CTNNA2: variants seen among roughly 807,000 people sequenced by gnomAD.
The protein encoded by CTNNA2 is catenin alpha-2.
A neutral mutation model predicts 101.0 loss-of-function variants in CTNNA2; 42 were observed. That is an observed-to-expected ratio of 0.42 (90% CI 0.32 to 0.54). The LOEUF (loss-of-function observed/expected upper bound fraction) is 0.54, where lower values mean the gene tolerates loss of function less well. Ranked by LOEUF, CTNNA2 falls within the 20% of genes least tolerant of loss-of-function variation. CTNNA2 has a pLI of 0.14. For synonymous variants in CTNNA2, 450 were observed against 456.4 expected (o/e 0.99, Z 0.18); for missense variants, 871 against 1,223.1 (o/e 0.71, Z 4.29).
chr2:79,485,642 C>T (rs1671150320), intron 4 of CTNNA2, among the ~76,000 whole-genome samples: 1 of 152,178 alleles, frequency 6.6e-6, no homozygotes, highest in Non-Finnish European at 1.5e-5. Flanking sequence ...CTCTGACTGC[C>T]ACACAGTTGC....
intron 7 of CTNNA2, among the ~76,000 whole-genome samples, chr2:80,043,196 T>TTC (rs1222164754): frequency 8.5e-5 from 9 of 105,736 alleles, no homozygotes; most frequent in East Asian, 3.5e-4. Flanking sequence ...CTTTCTTTCT[T>TTC]TCTCTCTCTC....
chr2:79,261,632 G>C (rs995746120), intron 2 of CTNNA2, among the ~76,000 whole-genome samples: 3 of 152,220 alleles, frequency 2.0e-5, no homozygotes, highest in Admixed American at 6.5e-5. Flanking sequence ...TGCACACAGA[G>C]AGGGCAAGGA....
chr2:80,301,754 A>G lies in CTNNA2; in HGVS notation c.1057-91457A>G, dbSNP rs532959177. On this transcript the variant is annotated intron_variant, in intron 7 of 18. Coordinates refer to ENST00000402739, the MANE Select transcript of CTNNA2 (RefSeq NM_001282597.3). ...TTAAAATTTCAAATTGAATCTGACT[A>G]CGTTGCTCCTGGATTTTCCTTCTGG... 2.2e-3 allele frequency: 332 copies of G among 152,788 alleles called. 3 individuals are homozygous for G. The highest frequency in any genetic ancestry group is 7.3e-3 in the African/African-American group (302 of 41,482). The allele number at this position is 152,788 out of a possible 1,614,324, so 9.5% of individuals were successfully genotyped here.
chr2:80,377,598 A>G (rs1363604737), intron 7 of CTNNA2, among the ~76,000 whole-genome samples: 1 of 152,220 alleles, frequency 6.6e-6, no homozygotes, highest in African/African-American at 2.4e-5. Flanking sequence ...TTGAGGAGGT[A>G]GGAAGACTGG....
chr2:79,884,314 G>A (rs535447146), intron 6 of CTNNA2, among the ~76,000 whole-genome samples: 109 of 152,204 alleles, frequency 7.2e-4, no homozygotes, highest in African/African-American at 2.4e-3. Flanking sequence ...AGAAAATAAA[G>A]CATTGGGCTG....
chr2:80,638,565 C>T (rs1410548239), intron 18 of CTNNA2, among the ~76,000 whole-genome samples: 2 of 152,172 alleles, frequency 1.3e-5, no homozygotes, highest in African/African-American at 2.4e-5. Context: ...CCTGTCAGTA[C>T]TCCCACTTAT....
Position 79,546,272 on chromosome 2 carries a change from G to A in CTNNA2, c.-6+33065G>A, listed in dbSNP as rs528096704. Among the ~76,000 whole-genome samples, 3 of 152,174 alleles carry A rather than the reference G, an allele frequency of 2.0e-5. No individual in the cohort carries two copies. The South Asian group carries it at 6.2e-4, about 32-fold the overall frequency. On this transcript the variant is annotated intron_variant, in intron 1 of 18. Transcript: ENST00000402739. ...AGTGTTTTTTCTAGGTCCTAAGTTA[G>A]AGAATTTAGCATCCTTAAATTCTCA...
intron 1 of CTNNA2, among the ~76,000 whole-genome samples, chr2:79,631,211 T>C (rs1027824327): frequency 4.4e-4 from 67 of 152,342 alleles, no homozygotes; most frequent in African/African-American, 1.6e-3. Flanking sequence ...ATGTGGTAAC[T>C]CTTGATTTTC....
chr2:80,149,948 A>G (rs1470873459), intron 7 of CTNNA2, among the ~76,000 whole-genome samples: 2 of 152,146 alleles, frequency 1.3e-5, no homozygotes, highest in Non-Finnish European at 2.9e-5. Context: ...GTGAACGCCA[A>G]AGCATCCACC....
intron 7 of CTNNA2, among the ~76,000 whole-genome samples, chr2:80,376,598 A>ATAGATCTCT (rs1675978643): frequency 6.6e-6 from 1 of 152,212 alleles, no homozygotes; most frequent in Non-Finnish European, 1.5e-5. Flanking sequence ...AGAATGATAG[A>ATAGATCTCT]TAGATCTCTA....
At chr2:80,631,631 G>A (rs930328996) in intron 18 of CTNNA2, among the ~76,000 whole-genome samples, 2 of 152,046 alleles carry the variant, frequency 1.3e-5, no homozygotes, top group Admixed American at 1.3e-4. Context: ...GTTCCAATTA[G>A]GCCAAGCCCT....
At chr2:79,785,445 CCTT>C (rs1420671747) in intron 3 of CTNNA2, among the ~76,000 whole-genome samples, 13 of 152,122 alleles carry the variant, frequency 8.5e-5, no homozygotes, top group African/African-American at 3.1e-4. Flanking sequence ...CTCCCTCGGT[CCTT>C]CTGATCTCTG....
chr2:79,744,612 G>A (rs747386866), intron 3 of CTNNA2, 30 bp downstream of exon 3: 44 of 1,590,254 alleles, frequency 2.8e-5, no homozygotes, highest in Middle Eastern at 3.3e-4. Flanking sequence ...TGTTCAAGGC[G>A]GATCTATACT....
chr2:79,914,276 C>T (rs1384148968), intron 7 of CTNNA2, among the ~76,000 whole-genome samples: 2 of 151,394 alleles, frequency 1.3e-5, no homozygotes, highest in Admixed American at 6.6e-5. Flanking sequence ...TTTGTTTCAA[C>T]GTTGTATCAC....
chr2:79,961,039 T>C (rs995083062), intron 7 of CTNNA2, among the ~76,000 whole-genome samples: 1 of 152,346 alleles, frequency 6.6e-6, no homozygotes, highest in Middle Eastern at 3.4e-3. Context: ...TATTTCATTA[T>C]GCGAATTAAA....
intron 7 of CTNNA2, among the ~76,000 whole-genome samples, chr2:80,066,281 A>G (rs1031374739): frequency 2.0e-5 from 3 of 152,196 alleles, no homozygotes; most frequent in Non-Finnish European, 1.5e-5. Flanking sequence ...TGAAGAGACA[A>G]CCTATGAAAT....
chr2:80,181,132 G>T (rs1412859418), intron 7 of CTNNA2, among the ~76,000 whole-genome samples: 1 of 152,140 alleles, frequency 6.6e-6, no homozygotes, highest in Non-Finnish European at 1.5e-5. Context: ...CTAGGGGCTT[G>T]CCAGGACTTT....
intron 18 of CTNNA2, among the ~76,000 whole-genome samples, chr2:80,642,736 CAT>C (rs1391984761): frequency 6.6e-6 from 1 of 152,158 alleles, no homozygotes; most frequent in Non-Finnish European, 1.5e-5. Flanking sequence ...CAGTTGATAA[CAT>C]AAGCTGTAGC....
chr2:80,368,108 A>G (rs1236811331), intron 7 of CTNNA2, among the ~76,000 whole-genome samples: 1 of 152,160 alleles, frequency 6.6e-6, no homozygotes, highest in Non-Finnish European at 1.5e-5. Context: ...AATTTGATTG[A>G]ACCTCAGAGG....
Sources: gnomAD v4.1 joint callset for allele counts (sites outside exome capture counted in the v4.1 genomes callset) on GRCh38, gnomAD v4.1.1 for gene constraint, MANE v1.5 for transcripts, NCBI Gene and HGNC (gene_info 2026-07-23, HGNC 2026-07-21) for gene names.